STAU1: variants seen among roughly 807,000 people sequenced by gnomAD.
STAU1 encodes staufen double-stranded RNA binding protein 1.
A neutral mutation model predicts 62.9 loss-of-function variants in STAU1; 13 were observed. That is an observed-to-expected ratio of 0.21 (90% CI 0.13 to 0.33). The LOEUF (loss-of-function observed/expected upper bound fraction) is 0.33. STAU1 is among the 10% of genes least tolerant of loss of function. The pLI is 1.00. For missense variants in STAU1, 571 were observed against 712.1 expected (o/e 0.80, Z 2.25); for synonymous variants, 269 against 265.1 (o/e 1.01, Z -0.14).
At chr20:49,154,914 G>A (rs1037278844) in intron 3 of STAU1, among the ~76,000 whole-genome samples, 15 of 144,626 alleles carry the variant, frequency 1.0e-4, no homozygotes, top group African/African-American at 3.6e-4. Context: ...GTGAAACCCC[G>A]TTTCTACTAA....
intron 2 of STAU1, among the ~76,000 whole-genome samples, chr20:49,167,593 G>A (rs538810458): frequency 6.6e-6 from 1 of 152,140 alleles, no homozygotes; most frequent in East Asian, 1.9e-4. Context: ...AAATAACAGA[G>A]GCGTTCCATT....
intron 5 of STAU1, among the ~76,000 whole-genome samples, chr20:49,149,105 G>T (rs2093186928): frequency 6.6e-6 from 1 of 152,114 alleles, no homozygotes; most frequent in South Asian, 2.1e-4. Flanking sequence ...ACAAAAATTA[G>T]CTGGGCGTGG....
upstream of STAU1, among the ~76,000 whole-genome samples, chr20:49,191,318 C>T (rs535678940): frequency 6.6e-6 from 1 of 152,202 alleles, no homozygotes; most frequent in South Asian, 2.1e-4. Context: ...TGAATGTTAA[C>T]CTCTGATGAA....
At chr20:49,170,785 GAAAAAAAAA>G (rs34699924) in intron 2 of STAU1, among the ~76,000 whole-genome samples, 2 of 135,770 alleles carry the variant, frequency 1.5e-5, no homozygotes, top group Non-Finnish European at 1.6e-5. Flanking sequence ...ATGTGTCTGG[GAAAAAAAAA>G]AAAAAAAAGA....
chr20:49,193,606 G>A, the STAU1 span, among the ~76,000 whole-genome samples: 1 of 152,086 alleles, frequency 6.6e-6, no homozygotes, highest in Non-Finnish European at 1.5e-5. Flanking sequence ...GGGAGGCGGA[G>A]GTTGCACTGA....
At chr20:49,151,112 C>A (rs906023279) in intron 5 of STAU1, among the ~76,000 whole-genome samples, 2 of 152,190 alleles carry the variant, frequency 1.3e-5, no homozygotes, top group Admixed American at 6.5e-5. Flanking sequence ...GATGTTTAAA[C>A]CATCACTAAA....
At chr20:49,128,252 G>C (rs1190925359) in intron 6 of STAU1, among the ~76,000 whole-genome samples, 1 of 152,070 alleles carries the variant, frequency 6.6e-6, no homozygotes, top group Non-Finnish European at 1.5e-5. Flanking sequence ...CTTGAGCTCA[G>C]GAGGTCGAGG....
At position 49,119,997 on chromosome 20, in the gene STAU1, G is replaced by A. The variant is rs762635988; in HGVS notation, c.1098C>T (p.Leu366=). ...CAGCACTCACCTTCTCCTCTGACTT[G>A]AGTGCGGGTTTGGTGGGCTGCGCCT... ...VPQAQPTKPA[L]KSEEKTPIKK... is the part of the protein sequence containing the mutation. Residue 366 remains leucine (L), a synonymous_variant, in exon 9 of 14, where the codon CTC becomes CTT. Transcript: ENST00000371856. The A allele has an allele frequency of 6.2e-7, 1 of 1,614,118 alleles. No homozygotes were observed.
intron 1 of STAU1, among the ~76,000 whole-genome samples, chr20:49,185,266 A>C (rs1370976389): frequency 6.6e-6 from 1 of 152,250 alleles, no homozygotes; most frequent in Admixed American, 6.5e-5. Flanking sequence ...ACACAAAGTT[A>C]TCTCTATTAA....
chr20:49,124,776 C>A (rs1213755169), intron 6 of STAU1, among the ~76,000 whole-genome samples, 189 bp from the exon 7 acceptor site: 2 of 152,172 alleles, frequency 1.3e-5, no homozygotes, highest in African/African-American at 4.8e-5. Context: ...CTGGTTTATG[C>A]TCTTGAGTCT....
intron 5 of STAU1, among the ~76,000 whole-genome samples, chr20:49,148,058 G>T (rs183031933): frequency 6.6e-6 from 1 of 152,038 alleles, no homozygotes; most frequent in African/African-American, 2.4e-5. Flanking sequence ...GAAAAAAAAA[G>T]TTATCTTTTA....
intron 1 of STAU1, among the ~76,000 whole-genome samples, chr20:49,176,332 A>G (rs978617015): frequency 6.6e-6 from 1 of 152,202 alleles, no homozygotes; most frequent in Non-Finnish European, 1.5e-5. Flanking sequence ...ATAAGTCCAA[A>G]TCATAATCAT....
chr20:49,138,570 T>C (rs534760666), intron 5 of STAU1, among the ~76,000 whole-genome samples: 53 of 152,138 alleles, frequency 3.5e-4, no homozygotes, highest in Non-Finnish European at 6.3e-4. Flanking sequence ...GGTACAAACA[T>C]AGCTCACTGC....
At chr20:49,200,345 T>C in the STAU1 span, among the ~76,000 whole-genome samples, 2 of 152,092 alleles carry the variant, frequency 1.3e-5, no homozygotes, top group African/African-American at 4.8e-5. Context: ...ACGCCTGTAA[T>C]CCCAGCACTT....
rs201850865 is a variant in STAU1, at chr20:49,172,677, C to A, written c.-85+1518G>T. On this transcript the variant is annotated intron_variant, in intron 2 of 13. Coordinates refer to ENST00000371856, the MANE Select transcript of STAU1 (RefSeq NM_017453.4). ...CCAAGACTCAGTTTCTAAGAAACCA[C>A]CCTTGCTGCTAAGTAGCAACCAACA... Among the ~76,000 whole-genome samples, 3 of 152,290 alleles carry A rather than the reference C, an allele frequency of 2.0e-5. No homozygotes were observed. In the East Asian group the frequency reaches 5.8e-4, roughly 29 times the overall value.
chr20:49,194,429 C>CAAAAAAAAAAAA, the STAU1 span, among the ~76,000 whole-genome samples: 3 of 81,108 alleles, frequency 3.7e-5, no homozygotes, highest in Non-Finnish European at 6.9e-5. Flanking sequence ...AACTCCGTCT[C>CAAAAAAAAAAAA]AAAAAAAAAA....
At chr20:49,169,700 T>C (rs917891007) in intron 2 of STAU1, among the ~76,000 whole-genome samples, 3 of 152,150 alleles carry the variant, frequency 2.0e-5, no homozygotes, top group African/African-American at 7.2e-5. Flanking sequence ...CCTCTTACTG[T>C]GAATTGTGTT....
intron 2 of STAU1, among the ~76,000 whole-genome samples, chr20:49,173,692 C>T (rs1231367520): frequency 1.3e-5 from 2 of 152,160 alleles, no homozygotes; most frequent in Non-Finnish European, 2.9e-5. Flanking sequence ...TTGCATTGCC[C>T]TGACAAAAGA....
the STAU1 span, among the ~76,000 whole-genome samples, chr20:49,205,616 G>A: frequency 1.2e-4 from 18 of 149,362 alleles, no homozygotes; most frequent in Non-Finnish European, 2.4e-4. Flanking sequence ...CACCCACCTC[G>A]GCCTCCCAAA....
Sources: gnomAD v4.1 joint callset for allele counts (sites outside exome capture counted in the v4.1 genomes callset) on GRCh38, gnomAD v4.1.1 for gene constraint, MANE v1.5 for transcripts, NCBI Gene and HGNC (gene_info 2026-07-23, HGNC 2026-07-21) for gene names.